Variants in ANKS1B observed in about 807,000 individuals in gnomAD.
The protein encoded by ANKS1B is ankyrin repeat and sterile alpha motif domain-containing protein 1B.
In ANKS1B, 36 loss-of-function variants were observed where a neutral mutation model predicts 148.3. The ratio of observed to expected loss-of-function variants is 0.24; its 90% CI spans 0.19 to 0.32. The LOEUF (loss-of-function observed/expected upper bound fraction) is 0.32, where lower values mean the gene tolerates loss of function less well. ANKS1B is among the 10% of genes least tolerant of loss of function. The probability of loss-of-function intolerance (pLI) is 1.00; values close to 1 mark genes in which losing one functional copy is unlikely to be tolerated. For synonymous variants in ANKS1B, 542 were observed against 560.8 expected (o/e 0.97, Z 0.47); for missense variants, 1,157 against 1,542.6 (o/e 0.75, Z 4.19).
chr12:98,806,806 G>T (rs1490063399), intron 20 of ANKS1B, among the ~76,000 whole-genome samples: 4 of 152,142 alleles, frequency 2.6e-5, no homozygotes, highest in African/African-American at 9.7e-5. Flanking sequence ...AGCAGAGATG[G>T]CTACTTACGA....
intron 1 of ANKS1B, among the ~76,000 whole-genome samples, chr12:99,905,270 T>C (rs1029426316): frequency 2.6e-5 from 4 of 152,224 alleles, no homozygotes; most frequent in African/African-American, 7.2e-5. Context: ...TGTAGTTAGA[T>C]AATTTTGATT....
intron 1 of ANKS1B, among the ~76,000 whole-genome samples, chr12:99,886,559 G>A (rs1467660669): frequency 6.6e-6 from 1 of 151,824 alleles, no homozygotes; most frequent in Non-Finnish European, 1.5e-5. Flanking sequence ...GTATGTATGT[G>A]TATATACTAT....
Position 98,744,671 on chromosome 12 carries a change from A to G in ANKS1B, c.*1068T>C. On this transcript the variant is annotated 3_prime_UTR_variant, in exon 27 of 27. Transcript: ENST00000683438. The stretch of plus-strand genomic sequence containing the variant: ...CTCAAGAAAAGTTTTATTACTTTGG[A>G]ATTTCTTCTTTTTTTTTTTTGTATT... The G allele has an allele frequency of 1.1e-6, 1 of 932,972 alleles. No individual in the cohort carries two copies. Among genetic ancestry groups the G allele is most frequent in the Non-Finnish European group, 1.3e-6 (1 of 782,892 alleles). The allele number at this position is 932,972 out of a possible 1,614,324, so 57.8% of individuals were successfully genotyped here.
intron 17 of ANKS1B, among the ~76,000 whole-genome samples, chr12:98,880,883 A>T (rs1013178269): frequency 3.9e-5 from 6 of 152,200 alleles, no homozygotes; most frequent in African/African-American, 1.4e-4. Context: ...CCCCATAATT[A>T]CTGGAAGGAG....
At position 99,473,863 on chromosome 12, in the gene ANKS1B, T is replaced by G. The variant is rs75969037; in HGVS notation, c.1439-30054A>C. Among the ~76,000 whole-genome samples the G allele has an allele frequency of 7.9e-3, 1,202 of 152,186 alleles. 10 individuals carry two copies. The highest frequency in any genetic ancestry group is 0.027 in the African/African-American group (1,118 of 41,556). ...CAGTTTGTGGCATTTTAAAAGTATT[T>G]TGTGACATGTCATGCTAAGCATGAG... On this transcript the variant is annotated intron_variant, in intron 10 of 26. Coordinates refer to ENST00000683438, the MANE Select transcript of ANKS1B (RefSeq NM_001352186.2).
chr12:99,067,878 ATGTG>A (rs10632657), intron 16 of ANKS1B, among the ~76,000 whole-genome samples: 7 of 149,306 alleles, frequency 4.7e-5, no homozygotes, highest in African/African-American at 1.2e-4. Context: ...GTGTGTGTGC[ATGTG>A]TGTGTGTGTG....
At chr12:98,902,027 G>A (rs542154413) in intron 17 of ANKS1B, among the ~76,000 whole-genome samples, 5 of 152,174 alleles carry the variant, frequency 3.3e-5, no homozygotes, top group Non-Finnish European at 5.9e-5. Flanking sequence ...TTAACCATGG[G>A]CATATTTACA....
intron 12 of ANKS1B, among the ~76,000 whole-genome samples, chr12:99,260,238 A>G (rs1486965812): frequency 6.6e-6 from 1 of 152,220 alleles, no homozygotes; most frequent in African/African-American, 2.4e-5. Context: ...ATCTTTAAAT[A>G]AAAAAGAAAG....
chr12:99,211,637 C>A (rs1174884052), intron 14 of ANKS1B, among the ~76,000 whole-genome samples: 1 of 152,180 alleles, frequency 6.6e-6, no homozygotes, highest in Non-Finnish European at 1.5e-5. Context: ...GAAGGACCCG[C>A]TCCAGTTCTG....
chr12:99,751,582 T>C (rs1351668428), intron 8 of ANKS1B, among the ~76,000 whole-genome samples: 1 of 152,052 alleles, frequency 6.6e-6, no homozygotes, highest in South Asian at 2.1e-4. Flanking sequence ...CATCTACCCA[T>C]CCACCCACCC....
At chr12:98,786,391 T>C (rs1227710782) in intron 22 of ANKS1B, among the ~76,000 whole-genome samples, 3 of 152,198 alleles carry the variant, frequency 2.0e-5, no homozygotes, top group African/African-American at 7.2e-5. Flanking sequence ...ACCTGAAATA[T>C]TGTTCTTAGT....
intron 19 of ANKS1B, among the ~76,000 whole-genome samples, chr12:98,813,461 C>T (rs1357433121): frequency 6.6e-6 from 1 of 151,422 alleles, no homozygotes; most frequent in Non-Finnish European, 1.5e-5. Context: ...AAGCGATCTG[C>T]CTTCTTCGGC....
chr12:98,947,051 C>A (rs995479796), intron 17 of ANKS1B, among the ~76,000 whole-genome samples: 2 of 148,956 alleles, frequency 1.3e-5, no homozygotes, highest in South Asian at 2.1e-4. Flanking sequence ...ACTGCCAACA[C>A]AAATTCCCTA....
chr12:99,572,271 A>C (rs2097464441), intron 9 of ANKS1B, among the ~76,000 whole-genome samples: 1 of 152,164 alleles, frequency 6.6e-6, no homozygotes, highest in Non-Finnish European at 1.5e-5. Context: ...GAATTGAAAT[A>C]AAACAATAAA....
At chr12:99,060,055 C>CT (rs2041879172) in intron 16 of ANKS1B, among the ~76,000 whole-genome samples, 1 of 152,064 alleles carries the variant, frequency 6.6e-6, no homozygotes, top group Non-Finnish European at 1.5e-5. Context: ...GGTGAGCAGG[C>CT]AGCAGGCATT....
At position 99,446,947 on chromosome 12, in the gene ANKS1B, C is replaced by A. The variant is rs58066230; in HGVS notation, c.1439-3138G>T. ...AGTTGATAAGTGATTAGATTCTGGA[C>A]ATGTGTTGAAATGTCCAGAACTGTT... On this transcript the variant is annotated intron_variant, in intron 10 of 26. Coordinates refer to ENST00000683438, the MANE Select transcript of ANKS1B (RefSeq NM_001352186.2). Among the ~76,000 whole-genome samples, 1,286 of 152,098 alleles carry A rather than the reference C, an allele frequency of 8.5e-3. 17 individuals are homozygous for A. Among genetic ancestry groups the A allele is most frequent in the African/African-American group, 0.029 (1,201 of 41,516 alleles).
chr12:98,958,203 A>G (rs2099865617), intron 17 of ANKS1B, among the ~76,000 whole-genome samples: 1 of 152,170 alleles, frequency 6.6e-6, no homozygotes, highest in Non-Finnish European at 1.5e-5. Flanking sequence ...GGATATGCAC[A>G]CATATTTACA....
intron 8 of ANKS1B, among the ~76,000 whole-genome samples, chr12:99,685,866 T>C (rs12229111): frequency 0.12 from 18,855 of 151,916 alleles, 1,784 homozygotes; most frequent in East Asian, 0.46. Flanking sequence ...TTACCTTGAG[T>C]GAAGTAACTC....
rs1396363100 is a variant in ANKS1B, at chr12:99,812,544, CACACACACACACACAG to C, written c.216-249_216-234del. Reference sequence around the variant, plus strand: ...ACACACACACACACACACACACACACACACACACACACACAGAGAGAGAGAGAGAGAGAAAGAGAGC... The same window carrying C: ...ACACACACACACACACACACACACACAGAGAGAGAGAGAGAGAAAGAGAGC... On this transcript the variant is annotated intron_variant, in intron 2 of 26. Transcript: ENST00000683438. Among the ~76,000 whole-genome samples the C allele has an allele frequency of 1.9e-3, 184 of 95,218 alleles. 1 individual carries two copies. The highest frequency in any genetic ancestry group is 7.8e-3 in the African/African-American group (169 of 21,666). The allele number at this position is 95,218 out of a possible 152,430, so 62.5% of individuals were successfully genotyped here. A position where few individuals can be genotyped will look rare whatever the true frequency, so the allele number is the denominator to read the frequency against.
Sources: allele counts gnomAD v4.1 joint callset (sites outside exome capture counted in the v4.1 genomes callset), GRCh38; gene constraint gnomAD v4.1.1; transcripts MANE v1.5; gene names NCBI Gene and HGNC (gene_info 2026-07-23, HGNC 2026-07-21).